RPA3: variants seen among roughly 807,000 people sequenced by gnomAD.
RPA3 encodes replication protein A 14 kDa subunit.
In RPA3, 24 loss-of-function variants were observed where a neutral mutation model predicts 13.7. That is an observed-to-expected ratio of 1.75 (90% confidence interval 1.27 to 2.46). The LOEUF is 2.46. Among genes scored for constraint, RPA3 ranks in the 30% most tolerant of loss-of-function variants. The pLI is 0.00. For missense variants in RPA3, 183 were observed against 151.0 expected (o/e 1.21, Z -1.11); for synonymous variants, 59 against 51.2 (o/e 1.15, Z -0.65).
intron 2 of RPA3, among the ~76,000 whole-genome samples, chr7:7,710,013 C>A (rs1257951871): frequency 1.3e-5 from 2 of 152,082 alleles, no homozygotes; most frequent in African/African-American, 4.8e-5. Flanking sequence ...TGTTTTACAA[C>A]CATATATAAA....
At chr7:7,681,010 G>A (rs1229610309) in intron 4 of RPA3, among the ~76,000 whole-genome samples, 1 of 151,914 alleles carries the variant, frequency 6.6e-6, no homozygotes, top group Non-Finnish European at 1.5e-5. Flanking sequence ...TGTGCAATAC[G>A]TACATTACAG....
At chr7:7,715,581 GAA>G (rs1780880619) in intron 1 of RPA3, among the ~76,000 whole-genome samples, 1 of 152,110 alleles carries the variant, frequency 6.6e-6, no homozygotes, top group Admixed American at 6.5e-5. Flanking sequence ...ACAATACAAA[GAA>G]GAGCTCTGTT....
intron 2 of RPA3, among the ~76,000 whole-genome samples, chr7:7,714,623 C>T (rs971482532): frequency 1.3e-5 from 2 of 152,026 alleles, no homozygotes; most frequent in Non-Finnish European, 2.9e-5. Context: ...TGCTTTAAAA[C>T]AGTTGGAGGT....
At chr7:7,644,253 T>C (rs901685373) in intron 4 of RPA3, among the ~76,000 whole-genome samples, 2 of 152,160 alleles carry the variant, frequency 1.3e-5, no homozygotes, top group Non-Finnish European at 1.5e-5. Flanking sequence ...ATTTTTCTTT[T>C]TCTTACTGAC....
At chr7:7,653,838 G>A (rs866011116) in intron 4 of RPA3, among the ~76,000 whole-genome samples, 1 of 152,216 alleles carries the variant, frequency 6.6e-6, no homozygotes, top group Admixed American at 6.5e-5. Context: ...ACAGCTGGGG[G>A]ATAGGAAGGC....
At position 7,637,889 on chromosome 7, in the gene RPA3, C is replaced by G. The variant is rs1335656251; in HGVS notation, c.258G>C (p.Gln86His). Residue 86 changes from glutamine to histidine, a missense_variant, in exon 7 of 8, where the codon CAG becomes CAC. Physicochemically the swap from Gln to His is conservative, Grantham distance 24 (BLOSUM62 0). Coordinates refer to ENST00000223129, the MANE Select transcript of RPA3 (RefSeq NM_002947.5). Reference sequence around the variant, plus strand: ...CAAAAGGATGGCTATCTTCTTTAAACTGGACATAAGATGTACACAAGATGG... The same window carrying G: ...CAAAAGGATGGCTATCTTCTTTAAAGTGGACATAAGATGTACACAAGATGG... Reference protein sequence around the residue: ...KATILCTSYVQFKEDSHPFDL... With the variant: ...KATILCTSYVHFKEDSHPFDL... 3 of 1,612,722 alleles carry G rather than the reference C, an allele frequency of 1.9e-6. No homozygotes were observed. The highest frequency in any genetic ancestry group is 3.3e-5 in the Admixed American group (2 of 59,936).
intron 2 of RPA3, 53 bp downstream of exon 2, chr7:7,715,122 T>G (rs953634420): frequency 6.6e-6 from 1 of 152,180 alleles, no homozygotes; most frequent in African/African-American, 2.4e-5. Context: ...ATAGAATATC[T>G]CACCATTAAT....
chr7:7,638,024 AATT>A (rs1406107557), intron 6 of RPA3, 52 bp from the exon 7 acceptor site: 1 of 1,429,192 alleles, frequency 7.0e-7, no homozygotes, highest in Non-Finnish European at 9.8e-7. Flanking sequence ...TTCAGTTGAC[AATT>A]ATTTTGGAAA....
At chr7:7,651,158 A>G (rs1785215065) in intron 4 of RPA3, among the ~76,000 whole-genome samples, 2 of 152,224 alleles carry the variant, frequency 1.3e-5, no homozygotes, top group African/African-American at 4.8e-5. Flanking sequence ...TGGATTAAAT[A>G]TTTTTAAAAA....
chr7:7,708,762 C>G (rs562955484), intron 2 of RPA3, among the ~76,000 whole-genome samples: 1 of 152,124 alleles, frequency 6.6e-6, no homozygotes, highest in Admixed American at 6.6e-5. Flanking sequence ...ACAGACCCAG[C>G]TTTTCAACAG....
chr7:7,666,738 A>G (rs912330400), intron 4 of RPA3, among the ~76,000 whole-genome samples: 3 of 151,984 alleles, frequency 2.0e-5, no homozygotes, highest in East Asian at 3.8e-4. Context: ...CTTTATATAC[A>G]TTATTTATCA....
intron 2 of RPA3, 96 bp downstream of exon 2, chr7:7,715,079 T>G (rs893546736): frequency 3.3e-5 from 5 of 152,182 alleles, no homozygotes; most frequent in Non-Finnish European, 5.9e-5. Context: ...AAAAATACTT[T>G]TTTTTAGTGT....
chr7:7,709,023 AG>A (rs1024861375), intron 2 of RPA3, among the ~76,000 whole-genome samples: 2 of 152,068 alleles, frequency 1.3e-5, no homozygotes, highest in Non-Finnish European at 2.9e-5. Flanking sequence ...AAGACAGAAG[AG>A]GAAAACAGTC....
intron 2 of RPA3, among the ~76,000 whole-genome samples, chr7:7,704,165 G>A (rs1371223272): frequency 6.6e-6 from 1 of 152,066 alleles, no homozygotes; most frequent in Non-Finnish European, 1.5e-5. Context: ...GAAGAGAAAG[G>A]CCAACTGTTT....
intron 6 of RPA3, chr7:7,638,593 TG>T (rs1321293774): frequency 6.5e-6 from 1 of 153,300 alleles, no homozygotes; most frequent in African/African-American, 2.4e-5. Context: ...TAGCCAGGCA[TG>T]GTTAAGCATG....
rs780760668 is a variant in RPA3, at chr7:7,640,344, G to A, written c.75C>T (p.Val25=). 6 of 1,614,102 alleles carry A rather than the reference G, an allele frequency of 3.7e-6. No homozygotes were observed. Among genetic ancestry groups the A allele is most frequent in the South Asian group, 1.1e-5 (1 of 91,076 alleles). ...CCTTTTCCAGCCTCCCTACGAAGCA[G>A]ACAGGCTTGTCGATGAATTGAGCTA... ...GMLAQFIDKP[V]CFVGRLEKIH... The change falls in exon 5 of 8, where the codon GTC becomes GTT. Residue 25 remains valine, a synonymous_variant. Transcript: ENST00000223129.
At chr7:7,695,863 A>G (rs1180448517) in intron 2 of RPA3, among the ~76,000 whole-genome samples, 1 of 152,126 alleles carries the variant, frequency 6.6e-6, no homozygotes, top group Non-Finnish European at 1.5e-5. Context: ...TGCACACTAC[A>G]TCTTATGCAC....
intron 2 of RPA3, among the ~76,000 whole-genome samples, chr7:7,701,495 T>G (rs559916832): frequency 1.3e-5 from 2 of 152,360 alleles, no homozygotes; most frequent in East Asian, 3.9e-4. Flanking sequence ...TGCTCACTCT[T>G]ACATGCTTGT....
intron 4 of RPA3, among the ~76,000 whole-genome samples, chr7:7,656,483 C>G (rs59398234): frequency 0.31 from 47,067 of 151,524 alleles, 9,250 homozygotes; most frequent in East Asian, 0.8. Context: ...CACCCCATGA[C>G]AGGCCCCAGT....
Sources: allele counts gnomAD v4.1 joint callset (sites outside exome capture counted in the v4.1 genomes callset), GRCh38; gene constraint gnomAD v4.1.1; transcripts MANE v1.5; gene names NCBI Gene and HGNC (gene_info 2026-07-23, HGNC 2026-07-21).